The following RYR3 variants were observed in gnomAD, a reference collection of about 807,000 sequenced individuals.
The protein encoded by RYR3 is brain ryanodine receptor-calcium release channel.
RYR3 carries 207 observed loss-of-function variants against 584.3 expected under a neutral mutation model. The ratio of observed to expected loss-of-function variants is 0.35; its 90% CI spans 0.32 to 0.40. RYR3 has a LOEUF of 0.40. RYR3 is among the 10% of genes least tolerant of loss of function. The pLI is 1.00. For synonymous variants in RYR3, 2,416 were observed against 2,248.5 expected, an observed-to-expected ratio of 1.07 and a Z score of -2.11; for missense variants, 5,616 against 6,089.2, an observed-to-expected ratio of 0.92 and a Z score of 2.59.
In RYR3 at chr15:33,848,127, A is replaced by G. The variant is rs2078842176; in HGVS notation, c.13498-164A>G. 2.0e-5 allele frequency among the ~76,000 whole-genome samples: 3 copies of G among 152,336 alleles called. 1 individual carries two copies. The South Asian group carries it at 6.2e-4, about 32-fold the overall frequency. On this transcript the variant is annotated intron_variant, in intron 93 of 103. Transcript: ENST00000634891. ...TAAAGAGGTAGGTAGGTATTTAGCC[A>G]AAGAGATTCATTTGGCTTTGATCCC...
chr15:33,696,484 G>T lies in RYR3; in HGVS notation c.6127G>T (p.Gly2043Trp), dbSNP rs1450432921. The change falls in exon 39 of 104, where the codon GGG becomes TGG. Residue 2043 changes from glycine to tryptophan, a missense_variant. Coordinates refer to ENST00000634891, the MANE Select transcript of RYR3 (RefSeq NM_001036.6). ...GKEEELLMIN[G>W]LGDIMNNKVF... ...GGAAGAGGAGTTGCTCATGATCAAT[G>T]GGCTGGGGTAGGTGATTCACGGTTA... 1 of 1,613,934 alleles carries T rather than the reference G, an allele frequency of 6.2e-7. No individual in the cohort carries two copies. The highest frequency in any genetic ancestry group is 1.7e-5 in the Admixed American group (1 of 60,018).
intron 16 of RYR3, among the ~76,000 whole-genome samples, chr15:33,598,633 C>CA (rs367814938): frequency 0.24 from 31,553 of 130,248 alleles, 3,747 homozygotes; most frequent in Admixed American, 0.33. Context: ...AGAAGCAGGA[C>CA]AAAAAAAAAA....
Position 33,520,617 on chromosome 15 carries a change from C to T in RYR3, c.280-9975C>T, listed in dbSNP as rs188180655. Among the ~76,000 whole-genome samples the T allele has an allele frequency of 1.6e-3, 250 of 152,284 alleles. 1 individual carries two copies. Among genetic ancestry groups the T allele is most frequent in the Middle Eastern group, 3.4e-3 (1 of 294 alleles). ...GGAATAATTCGGAAAAAAAAAATTG[C>T]CTCACCTCTTTCCAAAGCATACTTG... On this transcript the variant is annotated intron_variant, in intron 3 of 103. Coordinates refer to ENST00000634891, the MANE Select transcript of RYR3 (RefSeq NM_001036.6).
At position 33,795,447 on chromosome 15, in the gene RYR3, T is replaced by G. The variant is rs1322078221; in HGVS notation, c.9831-5323T>G. Among the ~76,000 whole-genome samples, 3 of 136,264 alleles carry G rather than the reference T, an allele frequency of 2.2e-5. No homozygotes were observed. The Admixed American group carries it at 2.5e-4, about 12-fold the overall frequency. The allele number at this position is 136,264 out of a possible 152,430, so 89.4% of individuals were successfully genotyped here. A position where few individuals can be genotyped will look rare whatever the true frequency, so the allele number is the denominator to read the frequency against. ...TGTTGCCCAGCCAGCCAGGCTAGAG[T>G]GCAGTGGCATGATCTTGGCTCACTG... is the stretch of plus-strand genomic sequence containing the variant. On this transcript the variant is annotated intron_variant, in intron 67 of 103. Transcript: ENST00000634891.
intron 7 of RYR3, 38 bp downstream of exon 7, chr15:33,540,928 T>A: frequency 7.6e-7 from 1 of 1,323,726 alleles, no homozygotes; most frequent in Non-Finnish European, 1.1e-6. Flanking sequence ...TGAGCCTGCC[T>A]ATCTCTCTTG....
chr15:33,671,835 G>T (rs148842739), intron 38 of RYR3, among the ~76,000 whole-genome samples: 2 of 98,674 alleles, frequency 2.0e-5, no homozygotes. Flanking sequence ...TTTTTCCTGA[G>T]ACAGGGTCTT....
At chr15:33,383,698 T>C (rs1050489116) in intron 1 of RYR3, among the ~76,000 whole-genome samples, 1 of 152,124 alleles carries the variant, frequency 6.6e-6, no homozygotes, top group African/African-American at 2.4e-5. Flanking sequence ...CATGCCCCTC[T>C]TCCACCCTCC....
intron 65 of RYR3, among the ~76,000 whole-genome samples, chr15:33,783,379 CTGTT>C (rs752088504): frequency 1.3e-5 from 2 of 152,192 alleles, no homozygotes; most frequent in African/African-American, 2.4e-5. Flanking sequence ...ACAGCTGAGG[CTGTT>C]TTTCTAGCAG....
At chr15:33,737,505 G>C (rs761306707) in intron 49 of RYR3, among the ~76,000 whole-genome samples, 2 of 152,076 alleles carry the variant, frequency 1.3e-5, no homozygotes, top group Non-Finnish European at 2.9e-5. Flanking sequence ...TAGTCCAAGC[G>C]AGCATTTCAG....
chr15:33,362,085 G>C (rs1974846332), intron 1 of RYR3, among the ~76,000 whole-genome samples: 1 of 152,200 alleles, frequency 6.6e-6, no homozygotes, highest in South Asian at 2.1e-4. Flanking sequence ...TCCCACAAGA[G>C]GTGAATGCAA....
intron 29 of RYR3, among the ~76,000 whole-genome samples, chr15:33,647,053 C>T (rs76438474): frequency 0.034 from 5,203 of 152,218 alleles, 292 homozygotes; most frequent in African/African-American, 0.12. Flanking sequence ...TGCCTGGAGC[C>T]GTCTTGTTGG....
Position 33,395,189 on chromosome 15 carries a change from G to A in RYR3, c.52-78230G>A, listed in dbSNP as rs548209546. Among the ~76,000 whole-genome samples, 11 of 152,312 alleles carry A rather than the reference G, an allele frequency of 7.2e-5. No individual in the cohort carries two copies. In the South Asian group the frequency reaches 2.1e-3, roughly 29 times the overall value. On this transcript the variant is annotated intron_variant, in intron 1 of 103. Coordinates refer to ENST00000634891, the MANE Select transcript of RYR3 (RefSeq NM_001036.6). ...TTTAAAATTTGATTGTGGAAAACTA[G>A]TGCCCGTGCTTATAGCTGTGTACAC...
intron 2 of RYR3, among the ~76,000 whole-genome samples, chr15:33,480,919 A>G (rs1368751603): frequency 1.3e-5 from 2 of 152,206 alleles, no homozygotes; most frequent in African/African-American, 4.8e-5. Context: ...TTTATCAATT[A>G]TTGAGAGAAA....
At chr15:33,703,725 A>C (rs2066470762) in intron 42 of RYR3, among the ~76,000 whole-genome samples, 1 of 152,220 alleles carries the variant, frequency 6.6e-6, no homozygotes, top group Non-Finnish European at 1.5e-5. Flanking sequence ...TTTGTTCTTT[A>C]AAGTATTTTG....
chr15:33,748,587 A>G, intron 55 of RYR3, 57 bp downstream of exon 55: 1 of 1,390,392 alleles, frequency 7.2e-7, no homozygotes, highest in Non-Finnish European at 1.0e-6. Context: ...ATTACCTTCC[A>G]AAGAGTTAAA....
At chr15:33,667,033 T>A (rs1229875714) in intron 36 of RYR3, among the ~76,000 whole-genome samples, 1 of 152,250 alleles carries the variant, frequency 6.6e-6, no homozygotes, top group Non-Finnish European at 1.5e-5. Context: ...TAATTTAACC[T>A]CACAGAAAAA....
rs1324382972 is a variant in RYR3, at chr15:33,580,099, C to T, written c.1392C>T (p.Asn464=). 3.7e-6 allele frequency: 6 copies of T among 1,613,018 alleles called. No homozygotes were observed. Among genetic ancestry groups the T allele is most frequent in the Non-Finnish European group, 4.2e-6 (5 of 1,179,522 alleles). Residue 464 remains asparagine, a synonymous_variant, in exon 13 of 104, where the codon AAC becomes AAT. Transcript: ENST00000634891. ...EEEMRHEDKQ[N]KLRSLKNRQN... The stretch of plus-strand genomic sequence containing the variant: ...AGATGCGACATGAAGACAAGCAGAA[C>T]AAGCTCCGCTCACTCAAAAACAGAC...
At chr15:33,831,912 AAAG>A (rs776102634) in intron 86 of RYR3, among the ~76,000 whole-genome samples, 104 of 152,308 alleles carry the variant, frequency 6.8e-4, no homozygotes, top group Non-Finnish European at 1.2e-3. Context: ...TGGTTCATGA[AAAG>A]AAGCACAGTA....
intron 17 of RYR3, among the ~76,000 whole-genome samples, chr15:33,602,346 G>A (rs1329238809): frequency 6.6e-6 from 1 of 152,144 alleles, no homozygotes; most frequent in African/African-American, 2.4e-5. Context: ...TGTATCTTAA[G>A]CTTTTAACCA....
Sources: allele counts gnomAD v4.1 joint callset (sites outside exome capture counted in the v4.1 genomes callset), GRCh38; gene constraint gnomAD v4.1.1; transcripts MANE v1.5; gene names NCBI Gene and HGNC (gene_info 2026-07-23, HGNC 2026-07-21).